The following VPS4B variants were observed in gnomAD, a reference collection of about 807,000 sequenced individuals.
The protein encoded by VPS4B is vacuolar protein sorting 4 homolog B, also known as vacuolar protein sorting-associated protein 4B.
VPS4B carries 23 observed loss-of-function variants against 56.1 expected under a neutral mutation model. That is an observed-to-expected ratio of 0.41 (90% confidence interval 0.30 to 0.58). The LOEUF (loss-of-function observed/expected upper bound fraction) is 0.58. Among genes scored for constraint, VPS4B ranks in the 20% least tolerant of loss-of-function variants. VPS4B has a pLI of 0.29. For synonymous variants in VPS4B, 177 were observed against 186.0 expected, an observed-to-expected ratio of 0.95 and a Z score of 0.39; for missense variants, 372 against 531.9, an observed-to-expected ratio of 0.70 and a Z score of 2.96.
intron 9 of VPS4B, among the ~76,000 whole-genome samples, chr18:63,395,200 G>T (rs1020828898): frequency 1.8e-4 from 28 of 152,156 alleles, no homozygotes; most frequent in Admixed American, 6.6e-5. Context: ...GTAATATGCA[G>T]AATTGAGTGA....
intron 8 of VPS4B, among the ~76,000 whole-genome samples, chr18:63,398,204 C>CACACACACATATATATATATATATATAT (rs1298374245): frequency 7.5e-4 from 84 of 112,374 alleles, no homozygotes; most frequent in African/African-American, 2.6e-3. Flanking sequence ...CACACACACA[C>CACACACACATATATATATATATATATAT]ATATATATAT....
At chr18:63,410,137 C>T (rs997439804) in intron 3 of VPS4B, among the ~76,000 whole-genome samples, 153 bp downstream of exon 3, 2 of 152,164 alleles carry the variant, frequency 1.3e-5, no homozygotes, top group Non-Finnish European at 2.9e-5. Flanking sequence ...AGAATGGGCA[C>T]GGCTGTGTTC....
intron 4 of VPS4B, chr18:63,404,396 G>A (rs1383639503): frequency 1.3e-5 from 2 of 152,126 alleles, no homozygotes; most frequent in African/African-American, 2.4e-5. Flanking sequence ...ATGGGAAACC[G>A]AGAAAAGATA....
rs554414658 is a variant in VPS4B, at chr18:63,422,373, G to T, written c.-114C>A. 4 of 1,000,692 alleles carry T rather than the reference G, an allele frequency of 4.0e-6. No homozygotes were observed. Among genetic ancestry groups the T allele is most frequent in the Non-Finnish European group, 5.4e-6 (4 of 734,282 alleles). The allele number at this position is 1,000,692 out of a possible 1,614,324, so 62.0% of individuals were successfully genotyped here. Reference sequence around the variant, plus strand: ...CAAACTGGGGAGGCCGGTGGTTCTCGGACCGCGAAGGGCAGCCTCCCTTCC... The same window carrying T: ...CAAACTGGGGAGGCCGGTGGTTCTCTGACCGCGAAGGGCAGCCTCCCTTCC... On this transcript the variant is annotated 5_prime_UTR_variant, in exon 1 of 11. Coordinates refer to ENST00000238497, the MANE Select transcript of VPS4B (RefSeq NM_004869.4).
At chr18:63,411,817 A>C (rs991202199) in intron 1 of VPS4B, among the ~76,000 whole-genome samples, 7 of 152,246 alleles carry the variant, frequency 4.6e-5, no homozygotes, top group Non-Finnish European at 8.8e-5. Context: ...TATAGGAATA[A>C]ATGCTACTGA....
chr18:63,392,494 G>A (rs1397199187), intron 10 of VPS4B, among the ~76,000 whole-genome samples: 2 of 152,118 alleles, frequency 1.3e-5, no homozygotes, highest in Non-Finnish European at 2.9e-5. Flanking sequence ...TGTTGCCCAG[G>A]CTGGAGTGCA....
At chr18:63,408,804 G>A (rs1011883897) in intron 3 of VPS4B, among the ~76,000 whole-genome samples, 3 of 152,160 alleles carry the variant, frequency 2.0e-5, no homozygotes, top group Non-Finnish European at 2.9e-5. Context: ...TACTGTAAAC[G>A]AAGATTGCTG....
intron 1 of VPS4B, among the ~76,000 whole-genome samples, chr18:63,413,538 C>CAAACAAAAAAAAA (rs1916093892): frequency 1.2e-5 from 1 of 81,748 alleles, no homozygotes. Context: ...GACTCCACCT[C>CAAACAAAAAAAAA]AAAAAAAAAA....
At chr18:63,411,344 T>TC in intron 2 of VPS4B, 123 bp downstream of exon 2, 1 of 218,664 alleles carries the variant, frequency 4.6e-6, no homozygotes, top group Non-Finnish European at 7.9e-6. Flanking sequence ...AAGTGGAGTA[T>TC]TTTTTTTTTT....
intron 5 of VPS4B, among the ~76,000 whole-genome samples, chr18:63,402,277 TC>T (rs11305108): frequency 0.58 from 88,568 of 152,024 alleles, 26,887 homozygotes; most frequent in East Asian, 0.87. Flanking sequence ...CACTTTTTTT[TC>T]CACTTATAAA....
chr18:63,410,206 T>C, intron 3 of VPS4B, 84 bp downstream of exon 3: 1 of 1,553,512 alleles, frequency 6.4e-7, no homozygotes, highest in Non-Finnish European at 8.7e-7. Context: ...AGCCATAGTT[T>C]GCTGACACCT....
At chr18:63,397,950 TG>T (rs1286895123) in intron 8 of VPS4B, among the ~76,000 whole-genome samples, 8 of 152,126 alleles carry the variant, frequency 5.3e-5, no homozygotes, top group Admixed American at 5.2e-4. Flanking sequence ...TTTCCTTTCT[TG>T]GTACTGGATG....
At position 63,400,603 on chromosome 18, in the gene VPS4B, T is replaced by C. The variant is rs1915787938; in HGVS notation, c.585A>G (p.Thr195=). The part of the protein sequence containing the change: ...KAVATEANNS[T]FFSISSSDLV... ...GATCAGAGGAAGATATTGAAAAAAA[T>C]GTTGAGTTGTTGGCTTCTGTTGCTA... The change falls in exon 6 of 11, where the codon ACA becomes ACG. Residue 195 remains threonine (T), a synonymous_variant. Coordinates refer to ENST00000238497, the MANE Select transcript of VPS4B (RefSeq NM_004869.4). 2 of 1,610,654 alleles carry C rather than the reference T, an allele frequency of 1.2e-6. No individual in the cohort carries two copies. Among genetic ancestry groups the C allele is most frequent in the Non-Finnish European group, 1.7e-6 (2 of 1,179,110 alleles).
chr18:63,402,188 T>C (rs1915826938), intron 5 of VPS4B, among the ~76,000 whole-genome samples: 1 of 152,214 alleles, frequency 6.6e-6, no homozygotes, highest in Non-Finnish European at 1.5e-5. Flanking sequence ...CTGAGTATGG[T>C]ACATATACCA....
Position 63,400,199 on chromosome 18 carries a change from A to G in VPS4B, c.642-3T>C. 2 of 1,586,012 alleles carry G rather than the reference A, an allele frequency of 1.3e-6. No homozygotes were observed. The highest frequency in any genetic ancestry group is 1.2e-5 in the South Asian group (1 of 85,408). On this transcript the variant is annotated splice_region_variant and splice_polypyrimidine_tract_variant and intron_variant, in intron 6 of 10. Transcript: ENST00000238497. ...GTTGGAATAAATTCTTAACCAGTCT[A>G]AAAATAAATGAAAACTTTTAAGTCT...
chr18:63,393,243 CTT>C (rs1915595192), intron 10 of VPS4B, among the ~76,000 whole-genome samples, 164 bp downstream of exon 10: 1 of 152,096 alleles, frequency 6.6e-6, no homozygotes, highest in Admixed American at 6.5e-5. Flanking sequence ...AAAATAATGA[CTT>C]TTTATATTTT....
chr18:63,396,238 A>G (rs1369450551), intron 9 of VPS4B: 2 of 152,152 alleles, frequency 1.3e-5, no homozygotes, highest in Non-Finnish European at 2.9e-5. Context: ...TTTAAAACAC[A>G]TTAGGATGAT....
At position 63,422,384 on chromosome 18, in the gene VPS4B, G is replaced by T; in HGVS notation, c.-125C>A. ...GGCCGGTGGTTCTCGGACCGCGAAG[G>T]GCAGCCTCCCTTCCGGAACTTGTTT... On this transcript the variant is annotated 5_prime_UTR_variant, in exon 1 of 11. Coordinates refer to ENST00000238497, the MANE Select transcript of VPS4B (RefSeq NM_004869.4). 1 of 877,142 alleles carries T rather than the reference G, an allele frequency of 1.1e-6. No individual in the cohort carries two copies. Among genetic ancestry groups the T allele is most frequent in the Non-Finnish European group, 1.6e-6 (1 of 626,204 alleles). The allele number at this position is 877,142 out of a possible 1,614,324, so 54.3% of individuals were successfully genotyped here. A position where few individuals can be genotyped will look rare whatever the true frequency, so the allele number is the denominator to read the frequency against.
chr18:63,395,078 G>A (rs186928480), intron 9 of VPS4B, among the ~76,000 whole-genome samples: 319 of 152,290 alleles, frequency 2.1e-3, no homozygotes, highest in Non-Finnish European at 3.7e-3. Flanking sequence ...GCCGCTGAGA[G>A]GTCTGCTGCA....
Sources: allele counts gnomAD v4.1 joint callset (sites outside exome capture counted in the v4.1 genomes callset), GRCh38; gene constraint gnomAD v4.1.1; transcripts MANE v1.5; gene names NCBI Gene and HGNC (gene_info 2026-07-23, HGNC 2026-07-21).